FMO1: variants seen among roughly 807,000 people sequenced by gnomAD.
FMO1 encodes the protein flavin containing dimethylaniline monoxygenase 1.
Under a neutral mutation model 45.4 loss-of-function variants are expected in FMO1, and 36 were observed. That is an observed-to-expected ratio of 0.79 (90% confidence interval 0.61 to 1.05). The LOEUF (loss-of-function observed/expected upper bound fraction) is 1.05. FMO1 is among the 50% of genes least tolerant of loss of function. FMO1 has a pLI of 0.00. For missense variants in FMO1, 615 were observed against 640.3 expected (o/e 0.96, Z 0.43); for synonymous variants, 228 against 227.2 (o/e 1.00, Z -0.03).
chr1:171,253,859 TAGAA>T (rs1197671145), intron 1 of FMO1: 2 of 152,302 alleles, frequency 1.3e-5, no homozygotes, highest in East Asian at 3.9e-4. Flanking sequence ...GTGGCCCAGG[TAGAA>T]GGCTTCTGTA....
rs1034279681 is a variant in FMO1, at chr1:171,270,928, G to GA, written c.321+3205dup. The GA allele has an allele frequency of 2.6e-4, 204 of 799,322 alleles. 1 individual carries two copies. Among genetic ancestry groups the GA allele is most frequent in the East Asian group, 1.8e-3 (68 of 37,376 alleles). 49.5% of individuals were successfully genotyped at this position (799,322 alleles called of 1,614,324 possible). ...GTAGGGTTAAATGCTTTATAGACGA[G>GA]AAAAAAAACCGCTAGAACCAACTTA... is the stretch of plus-strand genomic sequence containing the variant. On this transcript the variant is annotated intron_variant, in intron 3 of 8. Coordinates refer to ENST00000617670, the MANE Select transcript of FMO1 (RefSeq NM_001282693.2).
chr1:171,279,389 C>G (rs945730891), intron 5 of FMO1, among the ~76,000 whole-genome samples: 1 of 152,150 alleles, frequency 6.6e-6, no homozygotes, highest in Non-Finnish European at 1.5e-5. Flanking sequence ...ATCCAGTCAT[C>G]AAAACAAGCC....
intron 3 of FMO1, chr1:171,271,148 C>A: frequency 1.1e-6 from 1 of 878,660 alleles, no homozygotes; most frequent in East Asian, 2.4e-5. Context: ...AGCTTTGCAG[C>A]CTTCTTTTCA....
In FMO1 at chr1:171,272,906, G is replaced by T. The variant is rs182983576; in HGVS notation, c.322-2440G>T. Among the ~76,000 whole-genome samples, 3 of 152,288 alleles carry T rather than the reference G, an allele frequency of 2.0e-5. No individual in the cohort carries two copies. The East Asian group carries it at 5.8e-4, about 29-fold the overall frequency. On this transcript the variant is annotated intron_variant, in intron 3 of 8. Transcript: ENST00000617670. ...TGAAATGAGTTAAGACCTTGGGGGG[G>T]AACTGTTGGGAAGGCATAATTGCTT...
intron 2 of FMO1, among the ~76,000 whole-genome samples, chr1:171,260,733 C>A (rs954367934): frequency 6.6e-6 from 1 of 151,712 alleles, no homozygotes; most frequent in East Asian, 1.9e-4. Context: ...GAGTTCGAGA[C>A]CAGCCTGGTC....
chr1:171,254,417 T>C (rs754408098), intron 1 of FMO1, among the ~76,000 whole-genome samples: 2 of 152,146 alleles, frequency 1.3e-5, no homozygotes, highest in South Asian at 4.1e-4. Context: ...GAAATGGATA[T>C]AGATGATAAA....
rs751946528 is a variant in FMO1, at chr1:171,278,762, G to T, written c.518G>T (p.Ser173Ile). The change falls in exon 5 of 9, where the codon AGC becomes ATC. Residue 173 changes from serine (S) to isoleucine (I), a missense_variant. By Grantham distance (142) the Ser-to-Ile change is moderately radical (BLOSUM62 -2). Transcript: ENST00000617670. Reference protein sequence around the residue: ...INAFKGQYFHSRQYKHPDIFK... With the variant: ...INAFKGQYFHIRQYKHPDIFK... ...GCCTTTAAAGGCCAGTACTTTCATA[G>T]CCGGCAATATAAGCATCCAGATATA... 4.3e-6 allele frequency: 7 copies of T among 1,609,956 alleles called. No individual in the cohort carries two copies. The African/African-American group carries it at 8.0e-5, about 18-fold the overall frequency.
chr1:171,275,476 C>G lies in FMO1; in HGVS notation c.452C>G (p.Thr151Ser). 1 of 1,612,752 alleles carries G rather than the reference C, an allele frequency of 6.2e-7. No homozygotes were observed. The highest frequency in any genetic ancestry group is 1.1e-5 in the South Asian group (1 of 90,758). The change falls in exon 4 of 9, where the codon ACT becomes AGT. Residue 151 changes from threonine to serine, a missense_variant. By Grantham distance (58) the Thr-to-Ser change is moderately conservative. Transcript: ENST00000617670. ...DAVMVCTGFL[T>S]NPYLPLDSFP... is the part of the protein sequence containing the mutation. ...GTCATGGTCTGCACTGGCTTTCTTA[C>G]TAATCCTTATTTGCCACTGGATTCC... is the stretch of plus-strand genomic sequence containing the variant.
At chr1:171,248,889 G>C (rs1456972464) in intron 1 of FMO1, among the ~76,000 whole-genome samples, 1 of 150,836 alleles carries the variant, frequency 6.6e-6, no homozygotes, top group Non-Finnish European at 1.5e-5. Context: ...ATGTACACAG[G>C]TAAGTATACT....
At chr1:171,259,950 G>A (rs1031635736) in intron 2 of FMO1, among the ~76,000 whole-genome samples, 10 of 152,298 alleles carry the variant, frequency 6.6e-5, no homozygotes, top group African/African-American at 2.4e-4. Flanking sequence ...AAACAGTGCT[G>A]TGAGCATTTC....
intron 5 of FMO1, among the ~76,000 whole-genome samples, chr1:171,280,022 A>G (rs1661288480): frequency 6.6e-6 from 1 of 152,128 alleles, no homozygotes; most frequent in African/African-American, 2.4e-5. Flanking sequence ...TAATATTGTA[A>G]TTTGCACCCC....
chr1:171,252,249 C>A (rs1014416230), intron 1 of FMO1, among the ~76,000 whole-genome samples: 3 of 152,124 alleles, frequency 2.0e-5, no homozygotes, highest in Admixed American at 6.5e-5. Flanking sequence ...CCAGGCCCTG[C>A]CCCTGCCCTC....
At position 171,274,933 on chromosome 1, in the gene FMO1, T is replaced by C. The variant is rs1419834904; in HGVS notation, c.322-413T>C. 4.6e-5 allele frequency among the ~76,000 whole-genome samples: 7 copies of C among 152,334 alleles called. No homozygotes were observed. The South Asian group carries it at 1.0e-3, about 23-fold the overall frequency. ...TTCTATAAAACCTCATAAGCTAATA[T>C]ACACAGGACCAAATTCAGGTTTTCA... On this transcript the variant is annotated intron_variant, in intron 3 of 8. Coordinates refer to ENST00000617670, the MANE Select transcript of FMO1 (RefSeq NM_001282693.2).
In FMO1 at chr1:171,280,961, A is replaced by G; in HGVS notation, c.803A>G (p.Asn268Ser). ...RKINNWLNHA[N>S]YGLIPEDRTQ... ...ATAAACAACTGGCTCAATCATGCAA[A>G]TTACGGCTTAATACCAGAAGACAGG... The change falls in exon 6 of 9, where the codon AAT (asparagine) becomes AGT (serine). Residue 268 changes from asparagine to serine, a missense_variant. Coordinates refer to ENST00000617670, the MANE Select transcript of FMO1 (RefSeq NM_001282693.2). 1 of 1,613,824 alleles carries G rather than the reference A, an allele frequency of 6.2e-7. No individual in the cohort carries two copies. The highest frequency in any genetic ancestry group is 1.3e-5 in the African/African-American group (1 of 75,010).
chr1:171,280,502 A>G (rs1392449623), intron 5 of FMO1, among the ~76,000 whole-genome samples: 1 of 152,166 alleles, frequency 6.6e-6, no homozygotes. Flanking sequence ...TTGTTTTCTT[A>G]CATAGACTTT....
In FMO1 at chr1:171,260,912, CAAAAAAAAAAA is replaced by C. The variant is rs71561566; in HGVS notation, c.132+2706_132+2716del. On this transcript the variant is annotated intron_variant, in intron 2 of 8. Transcript: ENST00000617670. ...TGGGTGACACAGAAAGGCTCCATCT[CAAAAAAAAAAA>C]AAAAAAAAAAAAGAATATTGTGGAG... 1.9e-4 allele frequency among the ~76,000 whole-genome samples: 10 copies of C among 53,696 alleles called. No homozygotes were observed. In the Admixed American group the frequency reaches 1.9e-3, roughly 10 times the overall value. 35.2% of individuals were successfully genotyped at this position (53,696 alleles called of 152,430 possible). A position where few individuals can be genotyped will look rare whatever the true frequency, so the allele number is the denominator to read the frequency against.
At chr1:171,252,002 T>A (rs555163389) in intron 1 of FMO1, among the ~76,000 whole-genome samples, 5 of 152,248 alleles carry the variant, frequency 3.3e-5, no homozygotes, top group African/African-American at 1.2e-4. Flanking sequence ...CGGTGGCATG[T>A]CAGTGTGCTT....
intron 8 of FMO1, among the ~76,000 whole-genome samples, 155 bp from the exon 9 acceptor site, chr1:171,285,044 CAGA>C (rs1205876690): frequency 6.6e-6 from 1 of 152,124 alleles, no homozygotes; most frequent in Non-Finnish European, 1.5e-5. Context: ...ATTTAAGAAA[CAGA>C]AGGAGACCGT....
intron 8 of FMO1, 50 bp from the exon 9 acceptor site, chr1:171,285,152 T>C: frequency 8.1e-7 from 1 of 1,237,764 alleles, no homozygotes; most frequent in Non-Finnish European, 1.1e-6. Flanking sequence ...TGTTCTAAGA[T>C]TATCAGTTTT....
Sources: gnomAD v4.1 joint callset for allele counts (sites outside exome capture counted in the v4.1 genomes callset) on GRCh38, gnomAD v4.1.1 for gene constraint, MANE v1.5 for transcripts, NCBI Gene and HGNC (gene_info 2026-07-23, HGNC 2026-07-21) for gene names.